LLGL2: variants seen among roughly 807,000 people sequenced by gnomAD.
LLGL2 encodes the protein LLGL2, scribble cell polarity complex component.
LLGL2 carries 81 observed loss-of-function variants against 123.2 expected under a neutral mutation model. That is an observed-to-expected ratio of 0.66 (90% CI 0.55 to 0.79). The LOEUF is 0.79. Among genes scored for constraint, LLGL2 ranks in the 30% least tolerant of loss-of-function variants. The probability of loss-of-function intolerance (pLI) is 0.00; values close to 1 mark genes in which losing one functional copy is unlikely to be tolerated. For synonymous variants in LLGL2, 577 were observed against 594.1 expected (o/e 0.97, Z 0.42); for missense variants, 1,273 against 1,414.6 (o/e 0.90, Z 1.61).
At position 75,555,926 on chromosome 17, in the gene LLGL2, G is replaced by C. The variant is rs1195044486; in HGVS notation, c.76-120G>C. The C allele has an allele frequency of 5.6e-6, 4 of 711,296 alleles. No homozygotes were observed. The East Asian group carries it at 1.0e-4, about 19-fold the overall frequency. The allele number at this position is 711,296 out of a possible 1,614,324, so 44.1% of individuals were successfully genotyped here. On this transcript the variant is annotated intron_variant, in intron 2 of 25. Coordinates refer to ENST00000392550, the MANE Select transcript of LLGL2 (RefSeq NM_001031803.2). ...GCTCCAACACTCAGGTGTCTGGGAG[G>C]AACCGGAAAGGTACCGAAGCCCTGC...
At chr17:75,563,925 G>A in intron 9 of LLGL2, 119 bp downstream of exon 9, 1 of 994,282 alleles carries the variant, frequency 1.0e-6, no homozygotes, top group Non-Finnish European at 1.6e-6. Context: ...CCGTGTTGGG[G>A]TCTTGGACAC....
At chr17:75,573,446 C>T in intron 20 of LLGL2, 35 bp from the exon 21 acceptor site, 1 of 1,591,726 alleles carries the variant, frequency 6.3e-7, no homozygotes. Context: ...TGGCAGCCGC[C>T]AGGCCAGGCC....
chr17:75,573,419 A>G (rs948090988), intron 20 of LLGL2, 62 bp from the exon 21 acceptor site: 1,224 of 1,577,440 alleles, frequency 7.8e-4, no homozygotes, highest in Non-Finnish European at 9.8e-4. Flanking sequence ...CTACTCCCCC[A>G]GGTGGGGAGG....
At chr17:75,531,589 T>A (rs1302873542) in intron 1 of LLGL2, among the ~76,000 whole-genome samples, 2 of 152,242 alleles carry the variant, frequency 1.3e-5, no homozygotes, top group Non-Finnish European at 2.9e-5. Context: ...ACGCCAGGTC[T>A]GCTTGGCAAC....
chr17:75,529,609 T>A (rs756089246), intron 1 of LLGL2, among the ~76,000 whole-genome samples: 72 of 151,956 alleles, frequency 4.7e-4, no homozygotes, highest in Admixed American at 2.0e-3. Context: ...ACGCCTGTAA[T>A]CCCAGCACTT....
At chr17:75,562,927 C>T in intron 6 of LLGL2, 89 bp from the exon 7 acceptor site, 1 of 1,507,612 alleles carries the variant, frequency 6.6e-7, no homozygotes, top group East Asian at 2.3e-5. Context: ...GCAGCCACCT[C>T]TGCATAGGGA....
At position 75,573,061 on chromosome 17, in the gene LLGL2, G is replaced by T; in HGVS notation, c.2508G>T (p.Thr836=). Residue 836 remains threonine, a synonymous_variant, in exon 20 of 26, where the codon ACG becomes ACT. Coordinates refer to ENST00000392550, the MANE Select transcript of LLGL2 (RefSeq NM_001031803.2). The part of the protein sequence containing the change: ...KVSAKLKLKL[T]ALEGSRVRRV... Reference sequence around the variant, plus strand: ...GTGCCAAGCTGAAGTTGAAGCTGACGGCCCTGGAGGGCTCAAGAGTGCGGC... The same window carrying T: ...GTGCCAAGCTGAAGTTGAAGCTGACTGCCCTGGAGGGCTCAAGAGTGCGGC... 1 of 1,612,516 alleles carries T rather than the reference G, an allele frequency of 6.2e-7. No individual in the cohort carries two copies. Among genetic ancestry groups the T allele is most frequent in the South Asian group, 1.1e-5 (1 of 91,052 alleles).
At chr17:75,536,606 G>T (rs1206996775) in intron 1 of LLGL2, among the ~76,000 whole-genome samples, 2 of 152,082 alleles carry the variant, frequency 1.3e-5, no homozygotes, top group African/African-American at 2.4e-5. Context: ...CCACCCTCCC[G>T]CCTGACCATG....
At position 75,571,860 on chromosome 17, in the gene LLGL2, C is replaced by T. The variant is rs779011688; in HGVS notation, c.2294-38C>T. The T allele has an allele frequency of 1.1e-5, 17 of 1,607,634 alleles. No individual in the cohort carries two copies. In the East Asian group the frequency reaches 3.6e-4, roughly 34 times the overall value. ...CCAGGGAGTGGCTCCAGCCCTGCCA[C>T]CCCCTCACCAGCCCCAACACCCACC... On this transcript the variant is annotated intron_variant, in intron 18 of 25. Transcript: ENST00000392550.
At chr17:75,545,062 GA>G (rs1386637562) in intron 2 of LLGL2, among the ~76,000 whole-genome samples, 2 of 152,090 alleles carry the variant, frequency 1.3e-5, no homozygotes, top group African/African-American at 4.8e-5. Context: ...CTTTCGCTTT[GA>G]AAAGGTGGCA....
chr17:75,561,194 A>T (rs1185249221), intron 6 of LLGL2, among the ~76,000 whole-genome samples: 1 of 139,360 alleles, frequency 7.2e-6, no homozygotes, highest in South Asian at 2.2e-4. Context: ...AAAACGTGCA[A>T]CCCTTTAGTC....
rs778231917 is a variant in LLGL2 at position 75,558,022 on chromosome 17, G to A, written c.174-133G>A. ...CTCCCCACCCTAGGCTCCATGCATGGGTCCTGCTGCCTCGGGGGAGGGCAG... is the reference window on the plus strand; with the variant it reads ...CTCCCCACCCTAGGCTCCATGCATGAGTCCTGCTGCCTCGGGGGAGGGCAG... On this transcript the variant is annotated intron_variant, in intron 3 of 25. Coordinates refer to ENST00000392550, the MANE Select transcript of LLGL2 (RefSeq NM_001031803.2). The surrounding 1 kb of genome is among the most constrained non-coding windows in gnomAD (Gnocchi z 4.0). 7 of 860,330 alleles carry A rather than the reference G, an allele frequency of 8.1e-6. No homozygotes were observed. The highest frequency in any genetic ancestry group is 5.1e-5 in the Admixed American group (3 of 58,618). The allele number at this position is 860,330 out of a possible 1,614,324, so 53.3% of individuals were successfully genotyped here. A position where few individuals can be genotyped will look rare whatever the true frequency, so the allele number is the denominator to read the frequency against.
In LLGL2 at chr17:75,573,498, C is replaced by A; in HGVS notation, c.2743C>A (p.Pro915Thr). Residue 915 changes from proline to threonine, a missense_variant, in exon 21 of 26, where the codon CCC becomes ACC. Pro to Thr is a conservative substitution (Grantham distance 38, BLOSUM62 -1). Coordinates refer to ENST00000392550, the MANE Select transcript of LLGL2 (RefSeq NM_001031803.2). Reference protein sequence around the residue: ...KYGQGFYLISPSEFERFSLST... With the variant: ...KYGQGFYLISTSEFERFSLST... ...CTCCCCAGGCTTCTACCTGATCTCA[C>A]CCTCGGAGTTTGAGCGCTTCTCTCT... 1.9e-6 allele frequency: 3 copies of A among 1,611,546 alleles called. No homozygotes were observed. The South Asian group carries it at 3.3e-5, about 18-fold the overall frequency.
At chr17:75,534,136 G>C (rs926966260) in intron 1 of LLGL2, among the ~76,000 whole-genome samples, 1 of 152,262 alleles carries the variant, frequency 6.6e-6, no homozygotes, top group Admixed American at 6.5e-5. Flanking sequence ...CCTTGGACTT[G>C]GCTTTCTGCC....
At chr17:75,566,565 C>T (rs2055451556) in intron 10 of LLGL2, among the ~76,000 whole-genome samples, 1 of 152,226 alleles carries the variant, frequency 6.6e-6, no homozygotes, top group Non-Finnish European at 1.5e-5. Context: ...TTGCAGAGCA[C>T]ATGTAGCCAT....
In LLGL2 at chr17:75,558,843, C is replaced by A. The variant is rs1568051928; in HGVS notation, c.371+216C>A. The stretch of plus-strand genomic sequence containing the variant: ...CACACCACGCCTCCTCCATCCGCAC[C>A]CCACCTCCTCCATCCGCACCCCGCC... On this transcript the variant is annotated intron_variant, in intron 5 of 25. Coordinates refer to ENST00000392550, the MANE Select transcript of LLGL2 (RefSeq NM_001031803.2). This position sits in a 1 kb window ranked among gnomAD's most constrained non-coding sequence, Gnocchi z 4.0. 8,375 of 365,706 alleles carry A rather than the reference C, an allele frequency of 0.023. 615 individuals carry two copies. Among genetic ancestry groups the A allele is most frequent in the African/African-American group, 0.089 (2,992 of 33,522 alleles). The allele number at this position is 365,706 out of a possible 1,614,324, so 22.7% of individuals were successfully genotyped here. A position where few individuals can be genotyped will look rare whatever the true frequency, so the allele number is the denominator to read the frequency against.
Position 75,559,403 on chromosome 17 carries a change from C to G in LLGL2, c.523C>G (p.Leu175Val). ...CCGGACCATCAGCTCGGACGCGGTGCTGCAGCGGTGAGCCCAGAGCCCAGC... is the reference window on the plus strand; with the variant it reads ...CCGGACCATCAGCTCGGACGCGGTGGTGCAGCGGTGAGCCCAGAGCCCAGC... ...EDRTISSDAVLQRLPEEARHR... is the reference protein window; with the variant it reads ...EDRTISSDAVVQRLPEEARHR... Residue 175 changes from leucine to valine, a missense_variant, in exon 6 of 26, where the codon CTG (leucine) becomes GTG (valine). By Grantham distance (32) the Leu-to-Val change is conservative. Coordinates refer to ENST00000392550, the MANE Select transcript of LLGL2 (RefSeq NM_001031803.2). The surrounding 1 kb of genome is among the most constrained non-coding windows in gnomAD (Gnocchi z 4.6). 6.2e-7 allele frequency: 1 copy of G among 1,606,902 alleles called. No individual in the cohort carries two copies. The highest frequency in any genetic ancestry group is 8.5e-7 in the Non-Finnish European group (1 of 1,177,118).
intron 1 of LLGL2, among the ~76,000 whole-genome samples, chr17:75,534,316 G>A (rs1009811332): frequency 4.6e-5 from 7 of 152,248 alleles, no homozygotes; most frequent in Non-Finnish European, 1.0e-4. Flanking sequence ...TCTTGGGGTT[G>A]TGGGATGGTT....
chr17:75,552,832 T>G (rs145791488), intron 2 of LLGL2, among the ~76,000 whole-genome samples: 2,549 of 152,358 alleles, frequency 0.017, 34 homozygotes, highest in Middle Eastern at 0.078. Flanking sequence ...CTGCAAGTGC[T>G]TGGTGGCCCC....
Sources: gnomAD v4.1 joint callset for allele counts (sites outside exome capture counted in the v4.1 genomes callset) on GRCh38, gnomAD v4.1.1 for gene constraint, Gnocchi (gnomAD v3.1) non-coding constraint, MANE v1.5 for transcripts, NCBI Gene and HGNC (gene_info 2026-07-23, HGNC 2026-07-21) for gene names.